The following ACYP2 variants were observed in gnomAD, a reference collection of about 807,000 sequenced individuals.
ACYP2 encodes acylphosphatase 2, also known as acylphosphatase-2.
A neutral mutation model predicts 11.2 loss-of-function variants in ACYP2; 12 were observed. The ratio of observed to expected loss-of-function variants is 1.08; its 90% CI spans 0.69 to 1.74. The LOEUF (loss-of-function observed/expected upper bound fraction) is 1.74, where lower values mean the gene tolerates loss of function less well. Ranked by LOEUF, ACYP2 falls within the 40% of genes most tolerant of loss-of-function variation. The pLI is 0.00. For synonymous variants in ACYP2, 43 were observed against 32.2 expected (o/e 1.33, Z -1.13); for missense variants, 134 against 101.9 (o/e 1.31, Z -1.35).
chr2:54,101,256 G>A (rs1678876333), intron 4 of ACYP2, among the ~76,000 whole-genome samples: 2 of 152,126 alleles, frequency 1.3e-5, no homozygotes, highest in Admixed American at 1.3e-4. Flanking sequence ...TTAAGTTGAT[G>A]GATATTTGAG....
intron 6 of ACYP2, among the ~76,000 whole-genome samples, chr2:54,187,944 T>C (rs1490098838): frequency 6.6e-6 from 1 of 152,168 alleles, no homozygotes; most frequent in African/African-American, 2.4e-5. Context: ...TCTTTTCCTC[T>C]TCTGCCATGT....
chr2:54,092,264 A>G (rs897439188), intron 4 of ACYP2, among the ~76,000 whole-genome samples: 1 of 152,238 alleles, frequency 6.6e-6, no homozygotes, highest in Non-Finnish European at 1.5e-5. Context: ...GAAAGAGGGA[A>G]GAATAGGGAC....
At chr2:54,197,922 A>T (rs1684563041) in intron 6 of ACYP2, among the ~76,000 whole-genome samples, 1 of 135,864 alleles carries the variant, frequency 7.4e-6, no homozygotes, top group African/African-American at 2.6e-5. Flanking sequence ...TTATTATTTT[A>T]TTTTATTTAT....
rs889897378 is a variant in ACYP2, at chr2:54,113,217, C to T, written c.278-22236C>T. 6.6e-5 allele frequency among the ~76,000 whole-genome samples: 10 copies of T among 150,894 alleles called. 1 individual carries two copies. The highest frequency in any genetic ancestry group is 4.0e-4 in the Admixed American group (6 of 15,146). On this transcript the variant is annotated intron_variant, in intron 4 of 6. Coordinates refer to ENST00000607452, the MANE Select transcript of ACYP2 (RefSeq NM_001320586.2). Reference sequence around the variant, plus strand: ...GGGAATGATGACAAGAAACAAGAGTCTGCATGAGTTCAGTAGAGATGACTT... The same window carrying T: ...GGGAATGATGACAAGAAACAAGAGTTTGCATGAGTTCAGTAGAGATGACTT...
At position 54,165,535 on chromosome 2, in the gene ACYP2, TCACACACA is replaced by T. The variant is rs1163844895; in HGVS notation, c.404+26818_404+26825del. ...CTTTCACTCTCTCTCTCTCTCTCTC[TCACACACA>T]CACACACACACACACACACACACAC... On this transcript the variant is annotated intron_variant, in intron 6 of 6. Coordinates refer to ENST00000607452, the MANE Select transcript of ACYP2 (RefSeq NM_001320586.2). Among the ~76,000 whole-genome samples, 36 of 128,964 alleles carry T rather than the reference TCACACACA, an allele frequency of 2.8e-4. No homozygotes were observed. The Middle Eastern group carries it at 0.014, about 52-fold the overall frequency. 84.6% of individuals were successfully genotyped at this position (128,964 alleles called of 152,430 possible).
intron 4 of ACYP2, among the ~76,000 whole-genome samples, chr2:54,073,063 A>G (rs1677150135): frequency 6.6e-6 from 1 of 152,216 alleles, no homozygotes; most frequent in African/African-American, 2.4e-5. Context: ...ACTAGAATTG[A>G]GAGTTCAGAA....
At chr2:53,980,772 G>T (rs112044651) in intron 2 of ACYP2, among the ~76,000 whole-genome samples, 1 of 150,150 alleles carries the variant, frequency 6.7e-6, no homozygotes, top group African/African-American at 2.5e-5. Flanking sequence ...TTTCTTTTTA[G>T]ATAGGCTTTC....
At chr2:54,158,197 G>GTT (rs5831292) in intron 6 of ACYP2, among the ~76,000 whole-genome samples, 6 of 130,262 alleles carry the variant, frequency 4.6e-5, no homozygotes, top group Non-Finnish European at 8.2e-5. Context: ...AGTTAACTTT[G>GTT]TTTTTTTTTT....
In ACYP2 at chr2:53,992,657, C is replaced by A. The variant is rs942568509; in HGVS notation, c.62+18847C>A. Among the ~76,000 whole-genome samples, 38 of 151,664 alleles carry A rather than the reference C, an allele frequency of 2.5e-4. 1 individual carries two copies. Among genetic ancestry groups the A allele is most frequent in the Non-Finnish European group, 2.9e-5 (2 of 67,940 alleles). ...AACAGCCTGGCCAACATGGTGAAAC[C>A]CCGTCTCTACTAAAAATACAAAAAT... On this transcript the variant is annotated intron_variant, in intron 2 of 6. Coordinates refer to ENST00000607452, the MANE Select transcript of ACYP2 (RefSeq NM_001320586.2).
intron 2 of ACYP2, among the ~76,000 whole-genome samples, chr2:54,033,127 C>CG (rs1573565155): frequency 6.6e-6 from 1 of 151,538 alleles, no homozygotes; most frequent in Non-Finnish European, 1.5e-5. Flanking sequence ...GTGAGGTCTG[C>CG]GAAATTAATG....
At chr2:54,112,607 A>T (rs1679517379) in intron 4 of ACYP2, among the ~76,000 whole-genome samples, 1 of 152,242 alleles carries the variant, frequency 6.6e-6, no homozygotes, top group South Asian at 2.1e-4. Flanking sequence ...GACTCACAGT[A>T]GGTAAATGTG....
At chr2:54,303,508 C>A (rs1689807115) in intron 6 of ACYP2, among the ~76,000 whole-genome samples, 1 of 152,140 alleles carries the variant, frequency 6.6e-6, no homozygotes, top group Non-Finnish European at 1.5e-5. Context: ...TTTTCTTCAA[C>A]ACATGAAATT....
At chr2:54,277,927 C>A (rs560726167) in intron 6 of ACYP2, among the ~76,000 whole-genome samples, 3 of 152,068 alleles carry the variant, frequency 2.0e-5, no homozygotes, top group African/African-American at 2.4e-5. Context: ...AAAGAGAATG[C>A]GATAAATCCC....
At chr2:53,997,713 C>G (rs1414885656) in intron 2 of ACYP2, among the ~76,000 whole-genome samples, 5 of 152,062 alleles carry the variant, frequency 3.3e-5, no homozygotes, top group African/African-American at 4.8e-5. Flanking sequence ...TACTTAGCAA[C>G]TACTCCATGA....
At chr2:54,208,302 G>A (rs890319625) in intron 6 of ACYP2, among the ~76,000 whole-genome samples, 1 of 151,660 alleles carries the variant, frequency 6.6e-6, no homozygotes, top group African/African-American at 2.4e-5. Flanking sequence ...TGATCCTGAT[G>A]TGAATAACAT....
At chr2:54,194,608 T>C (rs951805867) in intron 6 of ACYP2, among the ~76,000 whole-genome samples, 2 of 152,156 alleles carry the variant, frequency 1.3e-5, no homozygotes, top group African/African-American at 4.8e-5. Flanking sequence ...TATTGAGTAA[T>C]AAGTACCATC....
intron 6 of ACYP2, chr2:54,167,039 T>C (rs1217685065): frequency 6.6e-6 from 1 of 152,110 alleles, no homozygotes; most frequent in Non-Finnish European, 1.5e-5. Flanking sequence ...CAATTCCATT[T>C]GATCTGGCCA....
chr2:54,150,748 T>C (rs1397120345), intron 6 of ACYP2, among the ~76,000 whole-genome samples: 2,040 of 149,510 alleles, frequency 0.014, 63 homozygotes, highest in African/African-American at 0.048. Context: ...TCTTTTTTTT[T>C]TTTTTTTTTG....
intron 6 of ACYP2, among the ~76,000 whole-genome samples, chr2:54,263,577 T>C (rs994317776): frequency 2.0e-5 from 3 of 152,164 alleles, no homozygotes; most frequent in Admixed American, 2.0e-4. Flanking sequence ...TGAGTTATGA[T>C]TGCCACTGGC....
Sources: gnomAD v4.1 joint callset for allele counts (sites outside exome capture counted in the v4.1 genomes callset) on GRCh38, gnomAD v4.1.1 for gene constraint, MANE v1.5 for transcripts, NCBI Gene and HGNC (gene_info 2026-07-23, HGNC 2026-07-21) for gene names.